Variants in UBR3 observed in about 807,000 individuals in gnomAD.
UBR3 encodes E3 ubiquitin-protein ligase UBR3.
In UBR3, 85 loss-of-function variants were observed where a neutral mutation model predicts 243.2. The observed-to-expected ratio is 0.35, with a 90% CI of 0.29 to 0.42. The LOEUF (loss-of-function observed/expected upper bound fraction) is 0.42. UBR3 is among the 10% of genes least tolerant of loss of function. The pLI, the probability that UBR3 is intolerant of heterozygous loss-of-function variation, is 1.00. For missense variants in UBR3, 1,686 were observed against 2,300.8 expected, an observed-to-expected ratio of 0.73 and a Z score of 5.47; for synonymous variants, 748 against 799.8, an observed-to-expected ratio of 0.94 and a Z score of 1.09.
chr2:169,968,433 G>A (rs1031996006), intron 24 of UBR3, among the ~76,000 whole-genome samples: 1 of 152,072 alleles, frequency 6.6e-6, no homozygotes, highest in African/African-American at 2.4e-5. Flanking sequence ...CCACATACGA[G>A]TAAGAAAAAG....
chr2:169,940,612 GT>G lies in UBR3; in HGVS notation c.2664-1879del, dbSNP rs2086543880. 2.0e-5 allele frequency among the ~76,000 whole-genome samples: 3 copies of G among 152,170 alleles called. No homozygotes were observed. The South Asian group carries it at 6.2e-4, about 32-fold the overall frequency. ...GCCTTTGCCCATGCTTCTTAATTGT[GT>G]TGTTAAAAATCTTAAAACTGTTTAC... On this transcript the variant is annotated intron_variant, in intron 19 of 38. Transcript: ENST00000272793.
At chr2:169,849,109 C>T (rs965933922) in intron 1 of UBR3, among the ~76,000 whole-genome samples, 2 of 152,208 alleles carry the variant, frequency 1.3e-5, no homozygotes, top group African/African-American at 4.8e-5. Context: ...GCTCCAGAGT[C>T]GGCCACTTGT....
intron 30 of UBR3, among the ~76,000 whole-genome samples, chr2:170,018,406 C>T (rs1018593020): frequency 6.6e-6 from 1 of 152,142 alleles, no homozygotes; most frequent in African/African-American, 2.4e-5. Flanking sequence ...TCACATATAG[C>T]ATAGCTGCCG....
chr2:169,937,559 G>A (rs2086392271), intron 19 of UBR3, among the ~76,000 whole-genome samples: 1 of 152,142 alleles, frequency 6.6e-6, no homozygotes, highest in Non-Finnish European at 1.5e-5. Context: ...TGCTTTTGGT[G>A]TTTTAGACAT....
At chr2:169,924,273 T>A in intron 13 of UBR3, 100 bp downstream of exon 13, 3 of 889,888 alleles carry the variant, frequency 3.4e-6, no homozygotes, top group Non-Finnish European at 4.8e-6. Flanking sequence ...GCTGAGATGT[T>A]TGAAAACTTT....
rs377407446 is a variant in UBR3 at position 170,029,325 on chromosome 2, C to T, written c.4454-21C>T. 35 of 1,573,676 alleles carry T rather than the reference C, an allele frequency of 2.2e-5. No individual in the cohort carries two copies. The African/African-American group carries it at 3.3e-4, about 15-fold the overall frequency. On this transcript the variant is annotated intron_variant, in intron 30 of 38. Coordinates refer to ENST00000272793, the MANE Select transcript of UBR3 (RefSeq NM_172070.4). ...AACAAATGTGTGAACTTTCTAATTACCTTTTCTTCAATTTTTTCAGATCAG... is the reference window on the plus strand; with the variant it reads ...AACAAATGTGTGAACTTTCTAATTATCTTTTCTTCAATTTTTTCAGATCAG...
chr2:169,969,590 C>A (rs145205295), intron 24 of UBR3, among the ~76,000 whole-genome samples: 3,765 of 149,784 alleles, frequency 0.025, 75 homozygotes, highest in East Asian at 0.11. Context: ...GCTCTGTTAC[C>A]CAGGCTGGAG....
intron 30 of UBR3, among the ~76,000 whole-genome samples, chr2:170,021,415 T>C (rs955369755): frequency 1.3e-5 from 2 of 152,132 alleles, no homozygotes; most frequent in East Asian, 3.9e-4. Context: ...GCCTGCTTGC[T>C]TCCTCATACA....
Position 169,988,864 on chromosome 2 carries a change from A to G in UBR3, c.3784+2070A>G, listed in dbSNP as rs190293578. Among the ~76,000 whole-genome samples, 11 of 152,292 alleles carry G rather than the reference A, an allele frequency of 7.2e-5. No homozygotes were observed. The East Asian group carries it at 2.1e-3, about 29-fold the overall frequency. ...TAAAACTCAGGAATAATTTTAGTAT[A>G]ATAGGTGAATTCTCTAGCTGTTTCC... On this transcript the variant is annotated intron_variant, in intron 25 of 38. Coordinates refer to ENST00000272793, the MANE Select transcript of UBR3 (RefSeq NM_172070.4).
intron 18 of UBR3, among the ~76,000 whole-genome samples, chr2:169,930,252 T>G (rs1324037141): frequency 6.6e-6 from 1 of 152,192 alleles, no homozygotes; most frequent in Non-Finnish European, 1.5e-5. Context: ...ACAAGCTGTT[T>G]AGATGACTGT....
intron 26 of UBR3, among the ~76,000 whole-genome samples, chr2:169,999,558 C>G (rs1200154808): frequency 2.0e-5 from 3 of 152,158 alleles, no homozygotes; most frequent in African/African-American, 4.8e-5. Context: ...TTTGATGGCT[C>G]TCAAATCTTT....
intron 31 of UBR3, among the ~76,000 whole-genome samples, chr2:170,030,823 T>A (rs10206142): frequency 6.6e-6 from 1 of 151,944 alleles, no homozygotes; most frequent in African/African-American, 2.4e-5. Context: ...GTATAAAATT[T>A]ATATTTTTCT....
chr2:169,890,711 G>A (rs1048009558), intron 5 of UBR3, among the ~76,000 whole-genome samples: 15 of 147,352 alleles, frequency 1.0e-4, no homozygotes, highest in African/African-American at 3.7e-4. Context: ...CTTCTAATAT[G>A]TTGTATTTAT....
intron 19 of UBR3, among the ~76,000 whole-genome samples, chr2:169,934,714 A>G (rs1168849495): frequency 3.3e-5 from 5 of 152,238 alleles, no homozygotes; most frequent in African/African-American, 1.2e-4. Context: ...CTCACAATTT[A>G]GCTCTGTGCC....
At chr2:169,946,457 T>A in intron 21 of UBR3, 65 bp downstream of exon 21, 1 of 813,080 alleles carries the variant, frequency 1.2e-6, no homozygotes, top group Non-Finnish European at 1.9e-6. Flanking sequence ...AACCAATTGT[T>A]GCCAAACCAG....
intron 5 of UBR3, among the ~76,000 whole-genome samples, chr2:169,882,061 CATATA>C (rs1220816619): frequency 3.5e-4 from 42 of 121,568 alleles, no homozygotes; most frequent in South Asian, 9.6e-4. Flanking sequence ...TATATATACA[CATATA>C]ATATAATTAT....
At chr2:170,001,181 A>G in intron 26 of UBR3, 123 bp from the exon 27 acceptor site, 1 of 671,900 alleles carries the variant, frequency 1.5e-6, no homozygotes, top group Non-Finnish European at 2.5e-6. Flanking sequence ...TATCACAAGA[A>G]TAGAAACTCC....
At chr2:169,904,805 C>T (rs1031883693) in intron 8 of UBR3, among the ~76,000 whole-genome samples, 3 of 152,064 alleles carry the variant, frequency 2.0e-5, no homozygotes, top group African/African-American at 7.2e-5. Context: ...GTTTTATAAA[C>T]ATACAGCTAC....
intron 10 of UBR3, among the ~76,000 whole-genome samples, chr2:169,907,984 C>T (rs960486995): frequency 6.6e-6 from 1 of 152,110 alleles, no homozygotes; most frequent in African/African-American, 2.4e-5. Context: ...GTTGCACATA[C>T]TTGTCTCAAA....
Sources: gnomAD v4.1 joint callset for allele counts (sites outside exome capture counted in the v4.1 genomes callset) on GRCh38, gnomAD v4.1.1 for gene constraint, MANE v1.5 for transcripts, NCBI Gene and HGNC (gene_info 2026-07-23, HGNC 2026-07-21) for gene names.